The following PARD3B variants were observed in gnomAD, a reference collection of about 807,000 sequenced individuals.
PARD3B encodes the protein par-3 family cell polarity regulator beta, also known as partitioning defective 3 homolog B.
In PARD3B, 103 loss-of-function variants were observed where a neutral mutation model predicts 130.2. The ratio of observed to expected loss-of-function variants is 0.79; its 90% CI spans 0.67 to 0.93. PARD3B has a LOEUF of 0.93. PARD3B is among the 40% of genes least tolerant of loss of function. The probability of loss-of-function intolerance (pLI) is 0.00; values close to 1 mark genes in which losing one functional copy is unlikely to be tolerated. For missense variants in PARD3B, 1,609 were observed against 1,499.2 expected, an observed-to-expected ratio of 1.07 and a Z score of -1.21; for synonymous variants, 583 against 553.2, an observed-to-expected ratio of 1.05 and a Z score of -0.76.
At chr2:205,232,232 T>A (rs564963281) in intron 15 of PARD3B, among the ~76,000 whole-genome samples, 8 of 152,184 alleles carry the variant, frequency 5.3e-5, no homozygotes, top group Non-Finnish European at 7.3e-5. Flanking sequence ...GGAGGATTGC[T>A]TGAGGCCGAG....
rs140887392 is a variant in PARD3B at position 204,965,369 on chromosome 2, G to A, written c.394+46G>A. On this transcript the variant is annotated intron_variant, in intron 3 of 22. Transcript: ENST00000406610. ...ATTCTTTTCACCTGACTGAAGATCC[G>A]TCATCTTGTTGATTAGGCATTGTTT... 501 of 1,561,236 alleles carry A rather than the reference G, an allele frequency of 3.2e-4. 6 individuals are homozygous for A. In the East Asian group the frequency reaches 9.0e-3, roughly 28 times the overall value.
At chr2:205,144,765 T>A (rs1353313085) in intron 10 of PARD3B, among the ~76,000 whole-genome samples, 1 of 152,172 alleles carries the variant, frequency 6.6e-6, no homozygotes, top group African/African-American at 2.4e-5. Context: ...ACTTGGAATT[T>A]CGAATTATTT....
chr2:205,406,032 T>C (rs188175373), intron 19 of PARD3B, among the ~76,000 whole-genome samples: 62 of 152,316 alleles, frequency 4.1e-4, no homozygotes, highest in African/African-American at 1.4e-3. Flanking sequence ...ACACCTGGAA[T>C]ATCCCGTGCC....
rs181225769 is a variant in PARD3B, at chr2:205,425,583, T to C, written c.2742-14787T>C. Among the ~76,000 whole-genome samples, 225 of 152,076 alleles carry C rather than the reference T, an allele frequency of 1.5e-3. 1 individual carries two copies. The highest frequency in any genetic ancestry group is 2.5e-3 in the Non-Finnish European group (167 of 67,980). On this transcript the variant is annotated intron_variant, in intron 19 of 22. Transcript: ENST00000406610. The stretch of plus-strand genomic sequence containing the variant: ...AAAAAAAAAAACAACAACATTTGAT[T>C]TGGGGAATGTGCTTGGTTCCAGGCC...
At chr2:204,754,642 A>C (rs1473592071) in intron 2 of PARD3B, among the ~76,000 whole-genome samples, 1 of 152,186 alleles carries the variant, frequency 6.6e-6, no homozygotes, top group Non-Finnish European at 1.5e-5. Flanking sequence ...CAATATCAGG[A>C]ATAGATTTGG....
In PARD3B at chr2:205,352,688, T is replaced by C. The variant is rs555438120; in HGVS notation, c.2631-48325T>C. 6.6e-6 allele frequency among the ~76,000 whole-genome samples: 1 copy of C among 152,260 alleles called. No homozygotes were observed. The highest frequency in any genetic ancestry group is 2.4e-5 in the African/African-American group (1 of 41,560). On this transcript the variant is annotated intron_variant, in intron 18 of 22. Transcript: ENST00000406610. This position sits in a 1 kb window ranked among gnomAD's most constrained non-coding sequence, Gnocchi z 5.2. ...ATAAACAGGTAGTATCAGGCGTCCA[T>C]AGCCTTGCGTTTTACTCACCCCTCA...
At chr2:204,852,098 A>G (rs182896406) in intron 2 of PARD3B, among the ~76,000 whole-genome samples, 17 of 152,316 alleles carry the variant, frequency 1.1e-4, no homozygotes, top group Admixed American at 9.8e-4. Context: ...AAGTAATGAC[A>G]GTAGTGTGTA....
intron 3 of PARD3B, among the ~76,000 whole-genome samples, chr2:204,980,168 T>C (rs1447093412): frequency 6.6e-6 from 1 of 152,200 alleles, no homozygotes; most frequent in Non-Finnish European, 1.5e-5. Context: ...GAAAGAACCC[T>C]AACAGGCACT....
At chr2:204,612,287 T>A (rs979141774) in intron 1 of PARD3B, among the ~76,000 whole-genome samples, 1 of 152,228 alleles carries the variant, frequency 6.6e-6, no homozygotes, top group African/African-American at 2.4e-5. Context: ...CCTGGTTCTT[T>A]TGCAGTTTGG....
At chr2:204,991,958 T>C (rs1693737745) in intron 3 of PARD3B, among the ~76,000 whole-genome samples, 1 of 151,818 alleles carries the variant, frequency 6.6e-6, no homozygotes, top group Non-Finnish European at 1.5e-5. Context: ...TTGGAGTTCA[T>C]TGTAGATTCT....
chr2:204,740,005 T>A (rs751717507), intron 2 of PARD3B, among the ~76,000 whole-genome samples: 8 of 152,026 alleles, frequency 5.3e-5, no homozygotes, highest in Non-Finnish European at 8.8e-5. Flanking sequence ...TCTTTCTTTT[T>A]CTTTTGTTTT....
At chr2:205,450,534 C>G (rs536396158) in intron 20 of PARD3B, among the ~76,000 whole-genome samples, 2 of 131,516 alleles carry the variant, frequency 1.5e-5, no homozygotes, top group African/African-American at 6.1e-5. Flanking sequence ...AGTGCAATGG[C>G]ATGATCTCGG....
intron 2 of PARD3B, among the ~76,000 whole-genome samples, chr2:204,936,981 G>T (rs191190181): frequency 3.3e-5 from 5 of 152,354 alleles, no homozygotes; most frequent in African/African-American, 9.6e-5. Context: ...ACTGAAATGT[G>T]AAAACAGTTA....
Position 205,401,087 on chromosome 2 carries a change from A to T in PARD3B, c.2705A>T (p.Glu902Val). Residue 902 changes from glutamate (E) to valine (V), a missense_variant, in exon 19 of 23, where the codon GAA (glutamate) becomes GTA (valine). Transcript: ENST00000406610. ...ACTCTGAAACATGGTGGCCTGAGAG[A>T]AGAAGAGCTGGAGAAAATGAAAGAA... ...KGTLKHGGLREEELEKMKEER... is the reference protein window; with the variant it reads ...KGTLKHGGLRVEELEKMKEER... 6.2e-7 allele frequency: 1 copy of T among 1,601,668 alleles called. No homozygotes were observed. The highest frequency in any genetic ancestry group is 8.5e-7 in the Non-Finnish European group (1 of 1,174,060).
chr2:205,373,628 GAAA>G (rs1255507289), intron 18 of PARD3B, among the ~76,000 whole-genome samples: 2 of 152,154 alleles, frequency 1.3e-5, no homozygotes, highest in African/African-American at 4.8e-5. Context: ...GAATAGAGAG[GAAA>G]ATCTTAATTC....
In PARD3B at chr2:205,553,230, A is replaced by T. The variant is rs141523780; in HGVS notation, c.3181-94A>T. On this transcript the variant is annotated intron_variant, in intron 21 of 22. Transcript: ENST00000406610. Reference sequence around the variant, plus strand: ...CATGGTTGATTTTTGGCAGGCAGTAACAGCATTTGTGCACTGATTATAATT... The same window carrying T: ...CATGGTTGATTTTTGGCAGGCAGTATCAGCATTTGTGCACTGATTATAATT... The T allele has an allele frequency of 2.0e-3, 2,318 of 1,165,298 alleles. 39 individuals carry two copies. The African/African-American group carries it at 0.032, about 16-fold the overall frequency. 72.2% of individuals were successfully genotyped at this position (1,165,298 alleles called of 1,614,324 possible).
At position 205,244,561 on chromosome 2, in the gene PARD3B, A is replaced by T. The variant is rs899847161; in HGVS notation, c.2141-1217A>T. 1.3e-5 allele frequency among the ~76,000 whole-genome samples: 2 copies of T among 152,076 alleles called. No homozygotes were observed. The highest frequency in any genetic ancestry group is 2.9e-5 in the Non-Finnish European group (2 of 68,024). ...GGCTTGGGAAATCCTCTCTCTTTCT[A>T]ATACATTTTCTGTAGAATTGGTCTT... On this transcript the variant is annotated intron_variant, in intron 15 of 22. Transcript: ENST00000406610. The surrounding 1 kb of genome is among the most constrained non-coding windows in gnomAD (Gnocchi z 4.7).
chr2:204,862,226 A>T (rs1411593779), intron 2 of PARD3B, among the ~76,000 whole-genome samples: 1 of 152,136 alleles, frequency 6.6e-6, no homozygotes, highest in Non-Finnish European at 1.5e-5. Context: ...GTCTTGCTGG[A>T]AGTGCAGTGG....
chr2:205,394,732 C>T (rs574460595), intron 18 of PARD3B, among the ~76,000 whole-genome samples: 16 of 152,266 alleles, frequency 1.1e-4, no homozygotes, highest in Admixed American at 3.3e-4. Context: ...GTTAAATAAG[C>T]CAGACACAAA....
Sources: allele counts gnomAD v4.1 joint callset (sites outside exome capture counted in the v4.1 genomes callset), GRCh38; gene constraint gnomAD v4.1.1; non-coding constraint Gnocchi (gnomAD v3.1); transcripts MANE v1.5; gene names NCBI Gene and HGNC (gene_info 2026-07-23, HGNC 2026-07-21).